Variants in ZNF557 observed in about 807,000 individuals in gnomAD.
ZNF557 encodes CTB-25J19.9.
ZNF557 carries 19 observed loss-of-function variants against 21.2 expected under a neutral mutation model. The ratio of observed to expected loss-of-function variants is 0.90; its 90% CI spans 0.63 to 1.32. The LOEUF is 1.32. ZNF557 is among the 40% of genes most tolerant of loss of function. The pLI, the probability that ZNF557 is intolerant of heterozygous loss-of-function variation, is 0.00. For synonymous variants in ZNF557, 207 were observed against 194.8 expected, an observed-to-expected ratio of 1.06 and a Z score of -0.52; for missense variants, 487 against 519.8, an observed-to-expected ratio of 0.94 and a Z score of 0.61.
In ZNF557 at chr19:7,082,937, C is replaced by T. The variant is rs1246624398; in HGVS notation, c.486C>T (p.Ser162=). The T allele has an allele frequency of 6.2e-7, 1 of 1,612,298 alleles. No homozygotes were observed. The highest frequency in any genetic ancestry group is 8.5e-7 in the Non-Finnish European group (1 of 1,179,156). The change falls in exon 8 of 8, where the codon AGC becomes AGT. Residue 162 remains serine (S), a synonymous_variant. Transcript: ENST00000252840. ...GTAATCAGTGTTTTAAAGTCTTCAGCACAAAATCTTCCCTTACACGGCACA... is the reference window on the plus strand; with the variant it reads ...GTAATCAGTGTTTTAAAGTCTTCAGTACAAAATCTTCCCTTACACGGCACA... ...NECNQCFKVF[S]TKSSLTRHRK... is the part of the protein sequence containing the mutation.
intron 2 of ZNF557, 137 bp from the exon 3 acceptor site, chr19:7,074,859 A>C: frequency 2.3e-6 from 1 of 437,084 alleles, no homozygotes; most frequent in Non-Finnish European, 3.9e-6. Context: ...CACGGGCAGG[A>C]GGGGGGGTGA....
At position 7,083,242 on chromosome 19, in the gene ZNF557, A is replaced by G. The variant is rs1977756867; in HGVS notation, c.791A>G (p.Tyr264Cys). The G allele has an allele frequency of 6.2e-7, 1 of 1,614,226 alleles. No individual in the cohort carries two copies. The highest frequency in any genetic ancestry group is 8.5e-7 in the Non-Finnish European group (1 of 1,180,044). The change falls in exon 8 of 8, where the codon TAC becomes TGC. Residue 264 changes from tyrosine (Y) to cysteine (C), a missense_variant. Coordinates refer to ENST00000252840, the MANE Select transcript of ZNF557 (RefSeq NM_024341.3). ...HLRIHTGEKP[Y>C]KCNQCFREFR... The stretch of plus-strand genomic sequence containing the variant: ...AGAATTCACACTGGAGAAAAACCGT[A>G]CAAATGTAACCAGTGTTTTCGTGAG...
Position 7,083,943 on chromosome 19 carries a change from C to T in ZNF557, c.*199C>T. ...GAAACAACATAGCTCTATAGTTCTT[C>T]AGGATATCTCAAGAGGTTACAGTCC... On this transcript the variant is annotated 3_prime_UTR_variant, in exon 8 of 8. Coordinates refer to ENST00000252840, the MANE Select transcript of ZNF557 (RefSeq NM_024341.3). The T allele has an allele frequency of 3.5e-6, 2 of 577,424 alleles. No homozygotes were observed. The highest frequency in any genetic ancestry group is 4.2e-5 in the South Asian group (2 of 47,842). 35.8% of individuals were successfully genotyped at this position (577,424 alleles called of 1,614,324 possible).
Position 7,081,391 on chromosome 19 carries a change from C to A in ZNF557, c.279C>A (p.Ser93=), listed in dbSNP as rs547221196. The A allele has an allele frequency of 1.9e-6, 3 of 1,613,924 alleles. No individual in the cohort carries two copies. In the South Asian group the frequency reaches 3.3e-5, roughly 18 times the overall value. ...GNQVDKPRLI[S]QLEQEDKVMT... ...AAGTTGATAAACCTAGGCTGATCTCCCAGCTGGAGCAAGAAGATAAAGTGA... is the reference window on the plus strand; with the variant it reads ...AAGTTGATAAACCTAGGCTGATCTCACAGCTGGAGCAAGAAGATAAAGTGA... The change falls in exon 6 of 8, where the codon TCC becomes TCA. Residue 93 remains serine (S), a synonymous_variant. Transcript: ENST00000252840.
chr19:7,072,905 G>A (rs72986657), intron 2 of ZNF557, among the ~76,000 whole-genome samples: 21,217 of 152,118 alleles, frequency 0.14, 1,502 homozygotes, highest in Admixed American at 0.16. Context: ...TCAATAAAAC[G>A]TGAATGAGGG....
chr19:7,070,912 T>C (rs1977444848), intron 2 of ZNF557, among the ~76,000 whole-genome samples: 1 of 151,918 alleles, frequency 6.6e-6, no homozygotes, highest in Non-Finnish European at 1.5e-5. Flanking sequence ...ATGACAAGGG[T>C]GCACCACCAC....
chr19:7,075,101 T>C lies in ZNF557; in HGVS notation c.27T>C (p.Thr9=). 6.2e-7 allele frequency: 1 copy of C among 1,614,032 alleles called. No homozygotes were observed. Among genetic ancestry groups the C allele is most frequent in the South Asian group, 1.1e-5 (1 of 91,082 alleles). Residue 9 remains threonine (T), a synonymous_variant, in exon 3 of 8, where the codon ACT becomes ACC. Transcript: ENST00000252840. Reference sequence around the variant, plus strand: ...TGGCGGCTGTCGTCCTGCCCCCAACTGCCGGTGAGTCATGGGGTCCTGGCA... The same window carrying C: ...TGGCGGCTGTCGTCCTGCCCCCAACCGCCGGTGAGTCATGGGGTCCTGGCA... MAAVVLPP[T]AALSSLFPAS... is the part of the protein sequence containing the mutation.
intron 5 of ZNF557, among the ~76,000 whole-genome samples, chr19:7,078,435 C>CTT (rs761023620): frequency 8.5e-5 from 12 of 141,470 alleles, no homozygotes; most frequent in Middle Eastern, 3.7e-3. Context: ...ACATATATTC[C>CTT]TTTTTTTTTT....
chr19:7,080,886 AT>A (rs928766583), intron 5 of ZNF557, among the ~76,000 whole-genome samples: 8 of 152,184 alleles, frequency 5.3e-5, no homozygotes. Flanking sequence ...CTTCACTGAC[AT>A]TACTTCGTTT....
chr19:7,070,242 A>C (rs9967625), intron 1 of ZNF557, among the ~76,000 whole-genome samples: 8,092 of 152,262 alleles, frequency 0.053, 402 homozygotes, highest in African/African-American at 0.13. Context: ...AGCCGAGTCC[A>C]CTTATAAGGC....
Position 7,086,912 on chromosome 19 carries a change from C to G in ZNF557, c.*3168C>G, listed in dbSNP as rs1383154373. The G allele has an allele frequency of 1.3e-5, 2 of 151,886 alleles. No individual in the cohort carries two copies. The highest frequency in any genetic ancestry group is 3.9e-4 in the East Asian group (2 of 5,086). 9.4% of individuals were successfully genotyped at this position (151,886 alleles called of 1,614,324 possible). A position where few individuals can be genotyped will look rare whatever the true frequency, so the allele number is the denominator to read the frequency against. On this transcript the variant is annotated 3_prime_UTR_variant, in exon 8 of 8. Transcript: ENST00000252840. ...GGCGTGATGACAGGTGCCTGTAATC[C>G]CAGCTACTTGGGAGGCTGAGGCAGG...
At chr19:7,075,135 A>T (rs966536280) in intron 3 of ZNF557, 30 bp downstream of exon 3, 1 of 1,613,916 alleles carries the variant, frequency 6.2e-7, no homozygotes, top group Non-Finnish European at 8.5e-7. Flanking sequence ...CAGTTCTCAG[A>T]GTCCAGGCTT....
At chr19:7,071,731 C>T (rs532093127) in intron 2 of ZNF557, among the ~76,000 whole-genome samples, 35 of 133,508 alleles carry the variant, frequency 2.6e-4, no homozygotes, top group African/African-American at 9.1e-4. Context: ...GCCTGGGAGG[C>T]GGAGACTGCA....
Position 7,083,867 on chromosome 19 carries a change from C to G in ZNF557, c.*123C>G. 7.7e-7 allele frequency: 1 copy of G among 1,293,230 alleles called. No individual in the cohort carries two copies. The highest frequency in any genetic ancestry group is 1.1e-6 in the Non-Finnish European group (1 of 939,986). The allele number at this position is 1,293,230 out of a possible 1,614,324, so 80.1% of individuals were successfully genotyped here. A position where few individuals can be genotyped will look rare whatever the true frequency, so the allele number is the denominator to read the frequency against. On this transcript the variant is annotated 3_prime_UTR_variant, in exon 8 of 8. Coordinates refer to ENST00000252840, the MANE Select transcript of ZNF557 (RefSeq NM_024341.3). ...CAAATTACCCCCCAAAATTTTGTGG[C>G]TTCAAACAAAAACACTTGTTATCTC...
At chr19:7,074,756 G>T (rs1977542887) in intron 2 of ZNF557, among the ~76,000 whole-genome samples, 1 of 130,526 alleles carries the variant, frequency 7.7e-6, no homozygotes, top group Non-Finnish European at 1.7e-5. Flanking sequence ...GCAGGGCACG[G>T]GCTGGAGGGG....
In ZNF557 at chr19:7,086,243, A is replaced by AAAAAAAAAAAAAC. The variant is rs1977840520; in HGVS notation, c.*2499_*2500insAAAAAAAAAAAAC. 1 of 151,192 alleles carries AAAAAAAAAAAAAC rather than the reference A, an allele frequency of 6.6e-6. No homozygotes were observed. The highest frequency in any genetic ancestry group is 1.5e-5 in the Non-Finnish European group (1 of 67,840). The allele number at this position is 151,192 out of a possible 1,614,324, so 9.4% of individuals were successfully genotyped here. Reference sequence around the variant, plus strand: ...GCAACTCTGTCTCAAAAAAAAAAAAATCAGACAATATTTGATATATTTTTT... The same window carrying AAAAAAAAAAAAAC: ...GCAACTCTGTCTCAAAAAAAAAAAAAAAAAAAAAAAAACTCAGACAATATTTGATATATTTTTT... On this transcript the variant is annotated 3_prime_UTR_variant, in exon 8 of 8. Transcript: ENST00000252840.
In ZNF557 at chr19:7,082,071, A is replaced by G; in HGVS notation, c.426+19A>G. ...GAAAATGGTAAGACTAACATGGGTG[A>G]TTCCTGGTTTTTTTCATGGTAGAAT... On this transcript the variant is annotated intron_variant, in intron 7 of 7. Coordinates refer to ENST00000252840, the MANE Select transcript of ZNF557 (RefSeq NM_024341.3). 6.3e-7 allele frequency: 1 copy of G among 1,595,812 alleles called. No homozygotes were observed. Among genetic ancestry groups the G allele is most frequent in the Non-Finnish European group, 8.6e-7 (1 of 1,164,192 alleles).
intron 2 of ZNF557, among the ~76,000 whole-genome samples, chr19:7,074,318 C>T (rs901524143): frequency 3.0e-5 from 3 of 101,272 alleles, no homozygotes; most frequent in Non-Finnish European, 6.2e-5. Flanking sequence ...CCGCTTTCAT[C>T]TTTGTGTGTA....
intron 2 of ZNF557, among the ~76,000 whole-genome samples, chr19:7,071,949 CAAA>C (rs34333608): frequency 1.4e-3 from 193 of 141,738 alleles, no homozygotes; most frequent in Non-Finnish European, 1.3e-3. Context: ...ACTAAAAATA[CAAA>C]AAAAAAAAAA....
Sources: allele counts gnomAD v4.1 joint callset (sites outside exome capture counted in the v4.1 genomes callset), GRCh38; gene constraint gnomAD v4.1.1; transcripts MANE v1.5; gene names NCBI Gene and HGNC (gene_info 2026-07-23, HGNC 2026-07-21).